The following DENND10 variants were observed in gnomAD, a reference collection of about 807,000 sequenced individuals.
The protein encoded by DENND10 is DENN domain-containing protein 10.
DENND10 carries 24 observed loss-of-function variants against 43.6 expected under a neutral mutation model. The ratio of observed to expected loss-of-function variants is 0.55; its 90% CI spans 0.40 to 0.77. DENND10 has a LOEUF of 0.77. DENND10 is among the 30% of genes least tolerant of loss of function. DENND10 has a pLI of 0.00. For missense variants in DENND10, 303 were observed against 429.9 expected, an observed-to-expected ratio of 0.70 and a Z score of 2.61; for synonymous variants, 125 against 157.6, an observed-to-expected ratio of 0.79 and a Z score of 1.55.
intron 3 of DENND10, among the ~76,000 whole-genome samples, chr10:119,113,192 T>G (rs1368546563): frequency 9.6e-6 from 1 of 103,878 alleles, no homozygotes; most frequent in Non-Finnish European, 2.2e-5. Flanking sequence ...TTTTTCTGGT[T>G]GTTGTCTTTT....
intron 4 of DENND10, among the ~76,000 whole-genome samples, chr10:119,119,837 G>C (rs1031559956): frequency 2.0e-5 from 3 of 151,688 alleles, no homozygotes; most frequent in African/African-American, 7.3e-5. Context: ...TCCCATCATA[G>C]AGTCCCTTGC....
chr10:119,120,548 A>G, intron 5 of DENND10, 96 bp downstream of exon 5: 5 of 777,734 alleles, frequency 6.4e-6, no homozygotes, highest in East Asian at 5.2e-5. Flanking sequence ...CACATTTGCT[A>G]TAAATAGCAT....
intron 1 of DENND10, among the ~76,000 whole-genome samples, chr10:119,106,245 T>C (rs1351462187): frequency 6.6e-6 from 1 of 152,058 alleles, no homozygotes; most frequent in Non-Finnish European, 1.5e-5. Context: ...AAAAACAGAA[T>C]GTGAGTGTCT....
At chr10:119,105,879 C>G (rs1056396429) in intron 1 of DENND10, among the ~76,000 whole-genome samples, 1 of 151,972 alleles carries the variant, frequency 6.6e-6, no homozygotes, top group African/African-American at 2.4e-5. Context: ...GAGACCCCCC[C>G]CAACCCCGTC....
At chr10:119,104,347 T>A in intron 1 of DENND10, 150 bp downstream of exon 1, 1 of 680,528 alleles carries the variant, frequency 1.5e-6, no homozygotes, top group Non-Finnish European at 2.2e-6. Flanking sequence ...GACTGGGGAC[T>A]GCGGAGCCCG....
intron 3 of DENND10, among the ~76,000 whole-genome samples, chr10:119,116,561 A>C (rs1359206909): frequency 2.0e-5 from 3 of 152,192 alleles, no homozygotes; most frequent in Non-Finnish European, 4.4e-5. Context: ...TTCGTACTTC[A>C]TTCTCCTGCC....
chr10:119,120,107 GT>G (rs1845490082), intron 4 of DENND10, among the ~76,000 whole-genome samples: 1 of 99,756 alleles, frequency 1.0e-5, no homozygotes, highest in Non-Finnish European at 2.2e-5. Context: ...TATTAGCCAG[GT>G]GTGGTGGTGT....
chr10:119,123,274 A>G (rs1426803167), intron 5 of DENND10, among the ~76,000 whole-genome samples, 195 bp from the exon 6 acceptor site: 1 of 152,248 alleles, frequency 6.6e-6, no homozygotes, highest in African/African-American at 2.4e-5. Flanking sequence ...TCTCAAAAAA[A>G]TAAATAGTAA....
intron 1 of DENND10, 124 bp downstream of exon 1, chr10:119,104,321 C>G (rs1844575639): frequency 3.3e-6 from 3 of 907,092 alleles, no homozygotes; most frequent in East Asian, 6.7e-5. Flanking sequence ...GCGCGGCCCC[C>G]TCCCTGTTGG....
At chr10:119,126,902 CTTTT>C (rs1312302019) in intron 6 of DENND10, among the ~76,000 whole-genome samples, 1 of 137,510 alleles carries the variant, frequency 7.3e-6, no homozygotes. Flanking sequence ...TTTTTCTTTT[CTTTT>C]TTTTTTTTTT....
Position 119,123,544 on chromosome 10 carries a change from GCTGGAAGCC to G in DENND10, c.673_681del (p.Glu225_Leu227del), listed in dbSNP as rs1253125176. On this transcript the variant is annotated inframe_deletion, in exon 6 of 9. Transcript: ENST00000361432. ...CTTACGTGCACCTCAACGCCGATGA[GCTGGAAGCC>G]CTGCAGATGTGCACAGGTAGACAAG... is the stretch of plus-strand genomic sequence containing the variant. 1 of 1,613,144 alleles carries G rather than the reference GCTGGAAGCC, an allele frequency of 6.2e-7. No homozygotes were observed. The highest frequency in any genetic ancestry group is 8.5e-7 in the Non-Finnish European group (1 of 1,179,628).
intron 4 of DENND10, among the ~76,000 whole-genome samples, chr10:119,118,906 C>G (rs1339058875): frequency 4.9e-5 from 7 of 142,194 alleles, no homozygotes; most frequent in Non-Finnish European, 1.1e-4. Context: ...TGCAGTGGCA[C>G]AATCTCAGCT....
At chr10:119,118,156 A>G (rs1345926120) in intron 4 of DENND10, among the ~76,000 whole-genome samples, 1 of 151,998 alleles carries the variant, frequency 6.6e-6, no homozygotes, top group Non-Finnish European at 1.5e-5. Context: ...TCATTTACAT[A>G]TTTTTCATAT....
rs866060999 is a variant in DENND10 at position 119,135,736 on chromosome 10, G to A, written c.898-735G>A. Among the ~76,000 whole-genome samples, 16 of 121,894 alleles carry A rather than the reference G, an allele frequency of 1.3e-4. No homozygotes were observed. In the South Asian group the frequency reaches 1.9e-3, roughly 15 times the overall value. The allele number at this position is 121,894 out of a possible 152,430, so 80.0% of individuals were successfully genotyped here. A position where few individuals can be genotyped will look rare whatever the true frequency, so the allele number is the denominator to read the frequency against. On this transcript the variant is annotated intron_variant, in intron 8 of 8. Transcript: ENST00000361432. ...GAAATAGTGGTGATGGTTGTGCAAC[G>A]CTGCAAATGTACTTAATGCCACTGA...
At chr10:119,119,333 G>A (rs968610341) in intron 4 of DENND10, among the ~76,000 whole-genome samples, 1 of 152,002 alleles carries the variant, frequency 6.6e-6, no homozygotes, top group Admixed American at 6.6e-5. Context: ...GTAGAGATGG[G>A]GTTTCACCAT....
Position 119,132,868 on chromosome 10 carries a change from C to T in DENND10, c.897+259C>T, listed in dbSNP as rs988358746. On this transcript the variant is annotated intron_variant, in intron 8 of 8. Transcript: ENST00000361432. The surrounding 1 kb of genome is among the most constrained non-coding windows in gnomAD (Gnocchi z 4.2). ...CGACCGCTGGCAATGAGAAATGTAA[C>T]TACCAAGTGGTCTGGAAGGCTTTTC... is the stretch of plus-strand genomic sequence containing the variant. 9 of 456,404 alleles carry T rather than the reference C, an allele frequency of 2.0e-5. No homozygotes were observed. The highest frequency in any genetic ancestry group is 1.8e-4 in the African/African-American group (9 of 50,952). The allele number at this position is 456,404 out of a possible 1,614,324, so 28.3% of individuals were successfully genotyped here.
At chr10:119,125,988 ACTCT>A (rs1022802970) in intron 6 of DENND10, among the ~76,000 whole-genome samples, 2 of 150,812 alleles carry the variant, frequency 1.3e-5, no homozygotes, top group African/African-American at 4.9e-5. Flanking sequence ...CCACCATTCT[ACTCT>A]CTATCTCCCT....
At chr10:119,135,815 A>AAC (rs1564804569) in intron 8 of DENND10, among the ~76,000 whole-genome samples, 83 of 137,968 alleles carry the variant, frequency 6.0e-4, no homozygotes, top group Non-Finnish European at 9.7e-4. Context: ...AAAAAAAAAA[A>AAC]ACCAAAACCA....
At chr10:119,136,228 A>T (rs1365095610) in intron 8 of DENND10, among the ~76,000 whole-genome samples, 2 of 134,932 alleles carry the variant, frequency 1.5e-5, no homozygotes, top group East Asian at 4.5e-4. Flanking sequence ...CGTTTTTGAG[A>T]CAGGGTTGCC....
Sources: allele counts gnomAD v4.1 joint callset (sites outside exome capture counted in the v4.1 genomes callset), GRCh38; gene constraint gnomAD v4.1.1; non-coding constraint Gnocchi (gnomAD v3.1); transcripts MANE v1.5; gene names NCBI Gene and HGNC (gene_info 2026-07-23, HGNC 2026-07-21).